ANKS1B: variants seen among roughly 807,000 people sequenced by gnomAD.
The protein encoded by ANKS1B is ankyrin repeat and sterile alpha motif domain-containing protein 1B.
A neutral mutation model predicts 148.3 loss-of-function variants in ANKS1B; 36 were observed. That is an observed-to-expected ratio of 0.24 (90% confidence interval 0.19 to 0.32). ANKS1B has a LOEUF of 0.32. Among genes scored for constraint, ANKS1B ranks in the 10% least tolerant of loss-of-function variants. The pLI is 1.00. For synonymous variants in ANKS1B, 542 were observed against 560.8 expected, an observed-to-expected ratio of 0.97 and a Z score of 0.47; for missense variants, 1,157 against 1,542.6, an observed-to-expected ratio of 0.75 and a Z score of 4.19.
At chr12:99,695,764 G>T (rs1202522300) in intron 8 of ANKS1B, among the ~76,000 whole-genome samples, 1 of 152,108 alleles carries the variant, frequency 6.6e-6, no homozygotes. Context: ...TCATGATAAA[G>T]AGCTAATGCA....
chr12:98,940,920 G>A (rs1475179161), intron 17 of ANKS1B, among the ~76,000 whole-genome samples: 1 of 152,026 alleles, frequency 6.6e-6, no homozygotes, highest in African/African-American at 2.4e-5. Flanking sequence ...AAAAAGTAGG[G>A]ACACAAAAAT....
chr12:99,846,455 A>C (rs1172510261), intron 1 of ANKS1B, among the ~76,000 whole-genome samples: 1 of 152,166 alleles, frequency 6.6e-6, no homozygotes, highest in Non-Finnish European at 1.5e-5. Context: ...TTAACAAAAC[A>C]TAACTTGCAT....
At chr12:99,814,364 A>G (rs924060811) in intron 2 of ANKS1B, among the ~76,000 whole-genome samples, 2 of 151,796 alleles carry the variant, frequency 1.3e-5, no homozygotes, top group Non-Finnish European at 3.0e-5. Context: ...TAAATAGTAA[A>G]GCACTATACC....
chr12:99,685,180 T>G (rs1297381175), intron 8 of ANKS1B, among the ~76,000 whole-genome samples: 1 of 151,818 alleles, frequency 6.6e-6, no homozygotes, highest in East Asian at 1.9e-4. Flanking sequence ...TGCATCTAAC[T>G]ATATAAACAA....
intron 9 of ANKS1B, among the ~76,000 whole-genome samples, chr12:99,557,917 T>C (rs2097294010): frequency 6.6e-6 from 1 of 152,172 alleles, no homozygotes; most frequent in Non-Finnish European, 1.5e-5. Context: ...TGGAAGACTT[T>C]AGGGGGCCAA....
intron 8 of ANKS1B, among the ~76,000 whole-genome samples, chr12:99,743,352 T>A (rs554719868): frequency 5.0e-4 from 76 of 152,316 alleles, no homozygotes; most frequent in African/African-American, 1.8e-3. Flanking sequence ...AATAATCTAA[T>A]GTAGTCTATT....
At chr12:98,922,722 C>T (rs1209167904) in intron 17 of ANKS1B, among the ~76,000 whole-genome samples, 2 of 152,156 alleles carry the variant, frequency 1.3e-5, no homozygotes, top group African/African-American at 4.8e-5. Context: ...TGGTCTTGAA[C>T]TCCCGACCTC....
intron 1 of ANKS1B, among the ~76,000 whole-genome samples, chr12:99,845,683 T>C (rs971500130): frequency 6.6e-6 from 1 of 152,108 alleles, no homozygotes; most frequent in Non-Finnish European, 1.5e-5. Flanking sequence ...TGAAGTTTTC[T>C]TTTTTTGTTG....
chr12:98,885,822 G>A (rs1596265359), intron 17 of ANKS1B, among the ~76,000 whole-genome samples: 1 of 152,322 alleles, frequency 6.6e-6, no homozygotes, highest in South Asian at 2.1e-4. Flanking sequence ...TCTTTAGGTT[G>A]CAGAAAAGTG....
At chr12:99,763,353 A>G (rs866858281) in intron 8 of ANKS1B, among the ~76,000 whole-genome samples, 1 of 152,350 alleles carries the variant, frequency 6.6e-6, no homozygotes, top group Middle Eastern at 3.4e-3. Flanking sequence ...ACATGGATGC[A>G]GGTGGAGGCC....
chr12:99,522,106 C>T (rs1397890196), intron 9 of ANKS1B, among the ~76,000 whole-genome samples: 1 of 152,172 alleles, frequency 6.6e-6, no homozygotes, highest in Non-Finnish European at 1.5e-5. Flanking sequence ...ATACAAAGTC[C>T]TTCCTAGTCT....
chr12:99,625,048 T>C (rs1415274618), intron 9 of ANKS1B, among the ~76,000 whole-genome samples: 3 of 152,114 alleles, frequency 2.0e-5, no homozygotes, highest in Admixed American at 1.3e-4. Context: ...ATATATACCA[T>C]GGGATACTAT....
At chr12:99,631,007 A>G (rs957690523) in intron 9 of ANKS1B, among the ~76,000 whole-genome samples, 8 of 152,130 alleles carry the variant, frequency 5.3e-5, no homozygotes, top group Non-Finnish European at 1.2e-4. Flanking sequence ...ATGGCTTTAT[A>G]AAGGGGAGTT....
chr12:99,697,099 G>A (rs183901681), intron 8 of ANKS1B, among the ~76,000 whole-genome samples: 5 of 152,280 alleles, frequency 3.3e-5, no homozygotes, highest in Admixed American at 3.3e-4. Flanking sequence ...GTGAGGATGT[G>A]GAGCAACAGG....
At chr12:99,180,828 T>C (rs1407161773) in intron 14 of ANKS1B, among the ~76,000 whole-genome samples, 1 of 151,908 alleles carries the variant, frequency 6.6e-6, no homozygotes, top group Non-Finnish European at 1.5e-5. Context: ...AGAAGCAAGG[T>C]CTTTCTGATC....
chr12:99,127,816 T>C (rs1445318858), intron 15 of ANKS1B, among the ~76,000 whole-genome samples: 1 of 152,250 alleles, frequency 6.6e-6, no homozygotes, highest in African/African-American at 2.4e-5. Context: ...AATTTCTGTT[T>C]TGATTGCATC....
At chr12:99,103,005 A>C (rs1025547852) in intron 15 of ANKS1B, among the ~76,000 whole-genome samples, 1 of 152,048 alleles carries the variant, frequency 6.6e-6, no homozygotes, top group Non-Finnish European at 1.5e-5. Flanking sequence ...ACACTTAAGC[A>C]AGTTTGCAGG....
At chr12:99,274,610 T>C (rs911623675) in intron 12 of ANKS1B, among the ~76,000 whole-genome samples, 1 of 152,174 alleles carries the variant, frequency 6.6e-6, no homozygotes, top group Non-Finnish European at 1.5e-5. Context: ...ACATTCTTCA[T>C]GAAGCACTTT....
At chr12:99,745,613 G>C (rs7970364) in intron 8 of ANKS1B, among the ~76,000 whole-genome samples, 36,024 of 151,900 alleles carry the variant, frequency 0.24, 4,493 homozygotes, top group African/African-American at 0.28. Context: ...GGTTTATTTT[G>C]TAAGCACAAA....
Sources: gnomAD v4.1 joint callset for allele counts (sites outside exome capture counted in the v4.1 genomes callset) on GRCh38, gnomAD v4.1.1 for gene constraint, MANE v1.5 for transcripts, NCBI Gene and HGNC (gene_info 2026-07-23, HGNC 2026-07-21) for gene names.